ADGB: variants seen among roughly 807,000 people sequenced by gnomAD.
The protein encoded by ADGB is calpain-7-like protein.
Under a neutral mutation model 210.5 loss-of-function variants are expected in ADGB, and 172 were observed. The observed-to-expected ratio is 0.82, with a 90% confidence interval of 0.72 to 0.93. ADGB has a LOEUF of 0.93. Ranked by LOEUF, ADGB falls within the 40% of genes least tolerant of loss-of-function variation. The pLI, the probability that ADGB is intolerant of heterozygous loss-of-function variation, is 0.00. For missense variants in ADGB, 2,025 were observed against 1,964.8 expected, an observed-to-expected ratio of 1.03 and a Z score of -0.58; for synonymous variants, 658 against 662.7, an observed-to-expected ratio of 0.99 and a Z score of 0.11.
At chr6:146,603,671 C>G (rs1277170433) in intron 1 of ADGB, among the ~76,000 whole-genome samples, 1 of 152,032 alleles carries the variant, frequency 6.6e-6, no homozygotes, top group African/African-American at 2.4e-5. Context: ...GTTAATCTAA[C>G]TTTTGACTAA....
rs1208718659 is a variant in ADGB, at chr6:146,664,504, A to AT, written c.752+170dup. 16 of 626,842 alleles carry AT rather than the reference A, an allele frequency of 2.6e-5. No homozygotes were observed. In the Admixed American group the frequency reaches 3.6e-4, roughly 14 times the overall value. 38.8% of individuals were successfully genotyped at this position (626,842 alleles called of 1,614,324 possible). The stretch of plus-strand genomic sequence containing the variant: ...AAAATCAAATACGCCAAAACCACTG[A>AT]TTTTTTCTATTAGGTTAACAATAAT... On this transcript the variant is annotated intron_variant, in intron 6 of 35. Transcript: ENST00000397944.
chr6:146,752,439 G>C, intron 26 of ADGB, 91 bp from the exon 27 acceptor site: 4 of 1,158,830 alleles, frequency 3.5e-6, no homozygotes, highest in Non-Finnish European at 3.6e-6. Flanking sequence ...CAGCAGATTT[G>C]GGCAGGGACA....
rs765074211 is a variant in ADGB, at chr6:146,734,042, C to T, written c.2794+12C>T. 1 of 1,546,392 alleles carries T rather than the reference C, an allele frequency of 6.5e-7. No individual in the cohort carries two copies. The highest frequency in any genetic ancestry group is 1.2e-5 in the South Asian group (1 of 83,178). On this transcript the variant is annotated intron_variant, in intron 22 of 35. Transcript: ENST00000397944. ...AGCCAGAATACCAGGTATGATTGTCCAAACATTTATAAAATGAACTTGTTT... is the reference window on the plus strand; with the variant it reads ...AGCCAGAATACCAGGTATGATTGTCTAAACATTTATAAAATGAACTTGTTT...
chr6:146,603,691 C>T (rs983840107), intron 1 of ADGB, among the ~76,000 whole-genome samples: 1 of 152,034 alleles, frequency 6.6e-6, no homozygotes, highest in Non-Finnish European at 1.5e-5. Context: ...AAATGAACAT[C>T]TAAATTTTAT....
chr6:146,763,075 A>T (rs1172798379), intron 27 of ADGB, among the ~76,000 whole-genome samples: 1 of 152,116 alleles, frequency 6.6e-6, no homozygotes, highest in Non-Finnish European at 1.5e-5. Context: ...TTTGTTTCCT[A>T]AACCTAGCAG....
chr6:146,701,293 C>T (rs1006142900), intron 13 of ADGB, among the ~76,000 whole-genome samples: 6 of 151,996 alleles, frequency 3.9e-5, no homozygotes, highest in African/African-American at 1.2e-4. Context: ...TATTTTCTGT[C>T]GGCCACTCAG....
chr6:146,762,731 C>T (rs1777512443), intron 27 of ADGB, among the ~76,000 whole-genome samples: 1 of 152,094 alleles, frequency 6.6e-6, no homozygotes, highest in South Asian at 2.1e-4. Context: ...GTTGCCATGA[C>T]TCTAGTGTTA....
At chr6:146,659,522 T>C (rs1222842784) in intron 5 of ADGB, among the ~76,000 whole-genome samples, 1 of 152,212 alleles carries the variant, frequency 6.6e-6, no homozygotes, top group African/African-American at 2.4e-5. Flanking sequence ...CTTTATCACT[T>C]CTTTGAGGCA....
intron 6 of ADGB, 90 bp downstream of exon 6, chr6:146,664,430 A>G (rs1353380655): frequency 1.5e-6 from 2 of 1,321,280 alleles, no homozygotes; most frequent in Non-Finnish European, 2.0e-6. Context: ...TTTTTTTAAA[A>G]TTAGCTAAAA....
chr6:146,647,217 A>G (rs747368500), intron 3 of ADGB, among the ~76,000 whole-genome samples: 5 of 151,952 alleles, frequency 3.3e-5, no homozygotes, highest in Admixed American at 1.3e-4. Flanking sequence ...ATAAGGTTAC[A>G]TGGATGTAAA....
At chr6:146,805,462 C>T (rs1189132292) in intron 35 of ADGB, among the ~76,000 whole-genome samples, 1 of 152,190 alleles carries the variant, frequency 6.6e-6, no homozygotes, top group Non-Finnish European at 1.5e-5. Flanking sequence ...TTGTGAATTA[C>T]ACTAATGGTT....
intron 3 of ADGB, among the ~76,000 whole-genome samples, chr6:146,653,682 C>T (rs927355572): frequency 4.6e-5 from 7 of 151,996 alleles, no homozygotes. Context: ...GTACAACAAA[C>T]CCCCATGACG....
At chr6:146,804,266 C>T (rs1484481630) in intron 35 of ADGB, among the ~76,000 whole-genome samples, 1 of 150,970 alleles carries the variant, frequency 6.6e-6, no homozygotes. Context: ...GCAACACACA[C>T]GCACACACTC....
chr6:146,743,412 T>G (rs1052578984), intron 25 of ADGB, among the ~76,000 whole-genome samples: 1 of 152,228 alleles, frequency 6.6e-6, no homozygotes, highest in African/African-American at 2.4e-5. Context: ...GGTTTTTGTT[T>G]TAGAAACTCC....
chr6:146,652,789 G>C (rs76529973), intron 3 of ADGB, among the ~76,000 whole-genome samples: 2,172 of 152,156 alleles, frequency 0.014, 45 homozygotes, highest in African/African-American at 0.048. Context: ...TGGGAGAAAA[G>C]CTATCATGGC....
intron 9 of ADGB, among the ~76,000 whole-genome samples, chr6:146,684,515 G>T (rs1026720186): frequency 1.3e-5 from 2 of 152,038 alleles, no homozygotes; most frequent in African/African-American, 4.8e-5. Context: ...ATCTCAAATG[G>T]TCTTATCTGA....
intron 1 of ADGB, among the ~76,000 whole-genome samples, chr6:146,614,518 C>T (rs1271081970): frequency 1.3e-5 from 2 of 152,052 alleles, no homozygotes; most frequent in East Asian, 3.9e-4. Flanking sequence ...GAATCAAACC[C>T]ATGTACACAT....
At chr6:146,768,111 G>A (rs1777602642) in intron 28 of ADGB, among the ~76,000 whole-genome samples, 1 of 152,158 alleles carries the variant, frequency 6.6e-6, no homozygotes, top group African/African-American at 2.4e-5. Flanking sequence ...CAGATGACTT[G>A]AATAAATAGA....
rs536932708 is a variant in ADGB, at chr6:146,757,118, G to A, written c.3550+4404G>A. ...AAGAAAACTCTTTGTATTATATGTT[G>A]CATCATTTACAAAATTTAATTTATA... On this transcript the variant is annotated intron_variant, in intron 27 of 35. Transcript: ENST00000397944. Among the ~76,000 whole-genome samples, 29 of 152,030 alleles carry A rather than the reference G, an allele frequency of 1.9e-4. 1 individual carries two copies. The South Asian group carries it at 5.8e-3, about 31-fold the overall frequency.
Sources: allele counts gnomAD v4.1 joint callset (sites outside exome capture counted in the v4.1 genomes callset), GRCh38; gene constraint gnomAD v4.1.1; transcripts MANE v1.5; gene names NCBI Gene and HGNC (gene_info 2026-07-23, HGNC 2026-07-21).